The following ARHGAP18 variants were observed in gnomAD, a reference collection of about 807,000 sequenced individuals.
ARHGAP18 encodes the protein Rho GTPase activating protein 18, also known as rho GTPase-activating protein 18.
ARHGAP18 carries 67 observed loss-of-function variants against 86.2 expected under a neutral mutation model. That is an observed-to-expected ratio of 0.78 (90% confidence interval 0.64 to 0.95). The LOEUF is 0.95. Ranked by LOEUF, ARHGAP18 falls within the 40% of genes least tolerant of loss-of-function variation. The pLI is 0.00. For synonymous variants in ARHGAP18, 283 were observed against 280.4 expected (o/e 1.01, Z -0.09); for missense variants, 691 against 780.4 (o/e 0.89, Z 1.37).
chr6:129,588,949 T>C (rs569215878), intron 12 of ARHGAP18, among the ~76,000 whole-genome samples: 22 of 152,340 alleles, frequency 1.4e-4, no homozygotes, highest in Non-Finnish European at 2.2e-4. Context: ...TTGGCCCCTT[T>C]TAGCCATGGC....
At chr6:129,613,620 C>T (rs1789030102) in intron 7 of ARHGAP18, among the ~76,000 whole-genome samples, 2 of 152,166 alleles carry the variant, frequency 1.3e-5, no homozygotes, top group South Asian at 4.1e-4. Flanking sequence ...GAGTCCTTTT[C>T]ATTATTCTCT....
intron 1 of ARHGAP18, among the ~76,000 whole-genome samples, chr6:129,654,829 C>G (rs1275744664): frequency 1.3e-5 from 2 of 152,198 alleles, no homozygotes; most frequent in African/African-American, 4.8e-5. Flanking sequence ...CTACTTCTCC[C>G]CAAAATGCTG....
intron 5 of ARHGAP18, among the ~76,000 whole-genome samples, chr6:129,626,105 C>CACACACACACATAT (rs1425322925): frequency 0.014 from 1,758 of 124,680 alleles, 14 homozygotes; most frequent in Middle Eastern, 0.028. Context: ...CACACACACA[C>CACACACACACATAT]ATATATAGAA....
chr6:129,638,521 C>G lies in ARHGAP18; in HGVS notation c.425G>C (p.Arg142Pro). 1.2e-6 allele frequency: 2 copies of G among 1,614,036 alleles called. No homozygotes were observed. The highest frequency in any genetic ancestry group is 1.1e-5 in the South Asian group (1 of 91,068). ...ESIVFLSTLT[R>P]TQAAAVQKRV... Reference sequence around the variant, plus strand: ...CTTCTGAACTGCTGCTGCCTGGGTCCGCGTCAATGTTGATAAAAACACAAT... The same window carrying G: ...CTTCTGAACTGCTGCTGCCTGGGTCGGCGTCAATGTTGATAAAAACACAAT... The change falls in exon 3 of 15, where the codon CGG (arginine) becomes CCG (proline). Residue 142 changes from arginine (R) to proline (P), a missense_variant. Transcript: ENST00000368149.
At chr6:129,703,272 T>C (rs1456260902) in intron 1 of ARHGAP18, among the ~76,000 whole-genome samples, 4 of 152,244 alleles carry the variant, frequency 2.6e-5, no homozygotes, top group Non-Finnish European at 5.9e-5. Context: ...TGCAGTCCAG[T>C]AGCAATCATG....
chr6:129,597,121 T>A (rs988320022), intron 12 of ARHGAP18, among the ~76,000 whole-genome samples: 4 of 152,124 alleles, frequency 2.6e-5, no homozygotes, highest in Non-Finnish European at 5.9e-5. Flanking sequence ...GCATAATTTT[T>A]TTTTTAAATT....
chr6:129,673,872 T>A (rs932945299), intron 1 of ARHGAP18, among the ~76,000 whole-genome samples: 2 of 152,148 alleles, frequency 1.3e-5, no homozygotes, highest in African/African-American at 2.4e-5. Flanking sequence ...ATCTCAAATC[T>A]TCTAAACTGA....
rs147283538 is a variant in ARHGAP18 at position 129,660,735 on chromosome 6, C to G, written c.114-18717G>C. ...ACAGTCAAAATAGACAAGAACTGAT[C>G]TAGACATCTGGAAGTCTAGGTTGTG... On this transcript the variant is annotated intron_variant, in intron 1 of 14. Coordinates refer to ENST00000368149, the MANE Select transcript of ARHGAP18 (RefSeq NM_033515.3). Among the ~76,000 whole-genome samples, 557 of 152,216 alleles carry G rather than the reference C, an allele frequency of 3.7e-3. 3 individuals carry two copies. The highest frequency in any genetic ancestry group is 0.013 in the African/African-American group (523 of 41,528).
At chr6:129,604,132 G>A (rs899448772) in intron 10 of ARHGAP18, among the ~76,000 whole-genome samples, 3 of 151,966 alleles carry the variant, frequency 2.0e-5, no homozygotes, top group Non-Finnish European at 4.4e-5. Context: ...GGCTAATTAA[G>A]TCACTAAAGC....
chr6:129,648,174 A>T (rs895404077), intron 1 of ARHGAP18, among the ~76,000 whole-genome samples: 3 of 151,346 alleles, frequency 2.0e-5, no homozygotes, highest in Non-Finnish European at 2.9e-5. Flanking sequence ...TAATTTTTCA[A>T]TTTTTTTGGT....
intron 10 of ARHGAP18, among the ~76,000 whole-genome samples, chr6:129,603,368 A>ATGTGTGTG (rs1032505719): frequency 1.3e-5 from 2 of 151,868 alleles, no homozygotes; most frequent in Admixed American, 6.6e-5. Flanking sequence ...GTATGTGTGT[A>ATGTGTGTG]TGTGTGTGTG....
intron 1 of ARHGAP18, among the ~76,000 whole-genome samples, chr6:129,690,677 G>T (rs1774512388): frequency 6.6e-6 from 1 of 151,976 alleles, no homozygotes; most frequent in African/African-American, 2.4e-5. Context: ...AGCATATATA[G>T]ATTTCTAGCA....
chr6:129,599,011 C>T (rs1788680385), intron 12 of ARHGAP18: 2 of 379,248 alleles, frequency 5.3e-6, no homozygotes, highest in Admixed American at 8.9e-5. Flanking sequence ...AACTCACATG[C>T]TGAGTCACCA....
rs753480406 is a variant in ARHGAP18 at position 129,616,235 on chromosome 6, G to T, written c.1021C>A (p.Arg341=). 1 of 1,610,892 alleles carries T rather than the reference G, an allele frequency of 6.2e-7. No homozygotes were observed. Among genetic ancestry groups the T allele is most frequent in the African/African-American group, 1.3e-5 (1 of 74,856 alleles). The change falls in exon 7 of 15, where the codon CGA becomes AGA. Residue 341 remains arginine (R), a synonymous_variant. Coordinates refer to ENST00000368149, the MANE Select transcript of ARHGAP18 (RefSeq NM_033515.3). The part of the protein sequence containing the change: ...EQDQRKVPGM[R]IPLIFQKLIS... ...ACTTTTTGAAAGATCAAGGGTATTCGCATTCCTGGTACTTTCCTCTGATCT... is the reference window on the plus strand; with the variant it reads ...ACTTTTTGAAAGATCAAGGGTATTCTCATTCCTGGTACTTTCCTCTGATCT...
At chr6:129,682,290 T>C (rs1332815426) in intron 1 of ARHGAP18, among the ~76,000 whole-genome samples, 1 of 152,144 alleles carries the variant, frequency 6.6e-6, no homozygotes, top group African/African-American at 2.4e-5. Context: ...CTTTGGAACA[T>C]AAAACAACCC....
chr6:129,670,635 C>T (rs543704929), intron 1 of ARHGAP18, among the ~76,000 whole-genome samples: 124 of 151,776 alleles, frequency 8.2e-4, no homozygotes, highest in African/African-American at 2.9e-3. Flanking sequence ...CCACCTACTT[C>T]GCATCAAAAG....
At chr6:129,631,136 T>C (rs1773194834) in intron 4 of ARHGAP18, among the ~76,000 whole-genome samples, 1 of 152,214 alleles carries the variant, frequency 6.6e-6, no homozygotes. Flanking sequence ...CTATGTACAC[T>C]GGTTTCCTAG....
At chr6:129,656,311 T>C (rs553855582) in intron 1 of ARHGAP18, among the ~76,000 whole-genome samples, 2 of 152,306 alleles carry the variant, frequency 1.3e-5, no homozygotes, top group South Asian at 4.1e-4. Flanking sequence ...TAGTTAAACA[T>C]AGGCAAGGAC....
rs1459872757 is a variant in ARHGAP18, at chr6:129,584,174, T to C, written c.1714-62A>G. ...GCAGCTGGAACGTGTAACTCTACAA[T>C]GCATTATATAGTAAGTGTGCTTAAC... On this transcript the variant is annotated intron_variant, in intron 12 of 14. Coordinates refer to ENST00000368149, the MANE Select transcript of ARHGAP18 (RefSeq NM_033515.3). 4 of 1,600,276 alleles carry C rather than the reference T, an allele frequency of 2.5e-6. No homozygotes were observed. In the African/African-American group the frequency reaches 5.4e-5, roughly 21 times the overall value.
Sources: allele counts gnomAD v4.1 joint callset (sites outside exome capture counted in the v4.1 genomes callset), GRCh38; gene constraint gnomAD v4.1.1; transcripts MANE v1.5; gene names NCBI Gene and HGNC (gene_info 2026-07-23, HGNC 2026-07-21).